Variants in BCAR1 observed in about 807,000 individuals in gnomAD.
The protein encoded by BCAR1 is BCAR1 scaffold protein, Cas family member.
Under a neutral mutation model 67.6 loss-of-function variants are expected in BCAR1, and 30 were observed. The ratio of observed to expected loss-of-function variants is 0.44; its 90% CI spans 0.33 to 0.60. The LOEUF (loss-of-function observed/expected upper bound fraction) is 0.60. Ranked by LOEUF, BCAR1 falls within the 20% of genes least tolerant of loss-of-function variation. The probability of loss-of-function intolerance (pLI) is 0.02; values close to 1 mark genes in which losing one functional copy is unlikely to be tolerated. For synonymous variants in BCAR1, 626 were observed against 556.7 expected, an observed-to-expected ratio of 1.12 and a Z score of -1.75; for missense variants, 1,313 against 1,222.3, an observed-to-expected ratio of 1.07 and a Z score of -1.11.
chr16:75,238,176 C>A, intron 2 of BCAR1: 1 of 1,254,022 alleles, frequency 8.0e-7, no homozygotes, highest in Non-Finnish European at 1.0e-6. Flanking sequence ...CCACAGGACC[C>A]CTCACCAGCA....
chr16:75,230,207 G>C (rs920330110), intron 6 of BCAR1, among the ~76,000 whole-genome samples, 184 bp from the exon 7 acceptor site: 1 of 152,204 alleles, frequency 6.6e-6, no homozygotes, highest in Non-Finnish European at 1.5e-5. Flanking sequence ...AAGCCTTCTG[G>C]AGGTTGTTCA....
intron 1 of BCAR1, chr16:75,266,133 G>C (rs562056211): frequency 5.5e-6 from 4 of 724,482 alleles, no homozygotes; most frequent in Non-Finnish European, 6.8e-6. Context: ...TCCGCTCCTC[G>C]CCGATCCCTC....
At chr16:75,250,812 G>T in intron 1 of BCAR1, 1 of 985,568 alleles carries the variant, frequency 1.0e-6, no homozygotes, top group Non-Finnish European at 1.2e-6. Context: ...CGACACTCGC[G>T]TGCGGCTAGG....
chr16:75,251,623 C>G lies in BCAR1; in HGVS notation c.-141G>C. ...GCCGCCTCGGCCACCCAGAGCCGGTCCAGCCGCTCTCCGCCTGCCGCCACG... is the reference window on the plus strand; with the variant it reads ...GCCGCCTCGGCCACCCAGAGCCGGTGCAGCCGCTCTCCGCCTGCCGCCACG... On this transcript the variant is annotated 5_prime_UTR_variant, in exon 1 of 7. Transcript: ENST00000162330. 9.9e-7 allele frequency: 1 copy of G among 1,010,116 alleles called. No homozygotes were observed. Among genetic ancestry groups the G allele is most frequent in the Non-Finnish European group, 1.2e-6 (1 of 847,300 alleles). 62.6% of individuals were successfully genotyped at this position (1,010,116 alleles called of 1,614,324 possible).
At position 75,229,416 on chromosome 16, in the gene BCAR1, G is replaced by C. The variant is rs950610842; in HGVS notation, c.*95C>G. The C allele has an allele frequency of 1.4e-6, 2 of 1,424,988 alleles. No individual in the cohort carries two copies. The highest frequency in any genetic ancestry group is 1.8e-6 in the Non-Finnish European group (2 of 1,088,268). The allele number at this position is 1,424,988 out of a possible 1,614,324, so 88.3% of individuals were successfully genotyped here. On this transcript the variant is annotated 3_prime_UTR_variant, in exon 7 of 7. Coordinates refer to ENST00000162330, the MANE Select transcript of BCAR1 (RefSeq NM_014567.5). ...AGGACCGACGCAGAGCTGGGGTCCT[G>C]TCCCTAAGCCTGTGGCACAGCGACT...
chr16:75,249,603 G>A (rs150186811), intron 1 of BCAR1: 4,571 of 152,380 alleles, frequency 0.03, 102 homozygotes, highest in Middle Eastern at 0.12. Flanking sequence ...AAGCCCCCCT[G>A]GAGCGCACCT....
At chr16:75,251,290 C>A (rs1187645295) in intron 1 of BCAR1, among the ~76,000 whole-genome samples, 181 bp downstream of exon 1, 1 of 152,122 alleles carries the variant, frequency 6.6e-6, no homozygotes, top group African/African-American at 2.4e-5. Flanking sequence ...GGCTCCGGAG[C>A]CCCCGCGGTT....
rs572121624 is a variant in BCAR1, at chr16:75,232,159, A to G, written c.2100+1687T>C. ...TCGGCACCCAGGAGGTTTTTAAAAC[A>G]ATTTTATTTTATTTTTTTTGAGACG... On this transcript the variant is annotated intron_variant, in intron 6 of 6. Transcript: ENST00000162330. 7.0e-5 allele frequency among the ~76,000 whole-genome samples: 10 copies of G among 143,502 alleles called. No individual in the cohort carries two copies. The East Asian group carries it at 1.7e-3, about 24-fold the overall frequency. The allele number at this position is 143,502 out of a possible 152,430, so 94.1% of individuals were successfully genotyped here.
intron 2 of BCAR1, among the ~76,000 whole-genome samples, chr16:75,240,945 C>G (rs934870059): frequency 6.6e-6 from 1 of 152,246 alleles, no homozygotes; most frequent in Non-Finnish European, 1.5e-5. Flanking sequence ...CTGGGGGTCT[C>G]GCTGCTGCTC....
intron 1 of BCAR1, chr16:75,263,178 C>T (rs2077941981): frequency 2.0e-6 from 2 of 983,722 alleles, no homozygotes; most frequent in Admixed American, 6.1e-5. Context: ...ACACTCACTT[C>T]ACAGATGGGA....
rs1242336483 is a variant in BCAR1, at chr16:75,266,105, C to T, written c.66+1810G>A. On this transcript the variant is annotated intron_variant, in intron 1 of 6. Coordinates refer to the BCAR1 transcript ENST00000393422. ...GCCTTTTTCTGTCGGCCCAACGCGG[C>T]GGGGAGGCGCGGTCTCCTCCGCTCC... The T allele has an allele frequency of 5.4e-6, 5 of 918,440 alleles. No homozygotes were observed. In the Admixed American group the frequency reaches 1.8e-4, roughly 33 times the overall value. 56.9% of individuals were successfully genotyped at this position (918,440 alleles called of 1,614,324 possible).
At chr16:75,238,486 A>G in intron 2 of BCAR1, 7 of 997,116 alleles carry the variant, frequency 7.0e-6, no homozygotes, top group Non-Finnish European at 8.4e-6. Flanking sequence ...AGGCCCTCCC[A>G]ATGCAGGCAG....
chr16:75,263,983 G>A, intron 1 of BCAR1: 1 of 1,178,296 alleles, frequency 8.5e-7, no homozygotes, highest in Non-Finnish European at 1.0e-6. Flanking sequence ...GTAGGGGGCA[G>A]ATGGCAAAGA....
chr16:75,253,602 C>G (rs2077720377), upstream of BCAR1, among the ~76,000 whole-genome samples: 1 of 152,070 alleles, frequency 6.6e-6, no homozygotes, highest in African/African-American at 2.4e-5. Context: ...GAAACAGGCT[C>G]CGACACAGGC....
upstream of BCAR1, chr16:75,252,157 A>C: frequency 6.6e-7 from 1 of 1,511,434 alleles, no homozygotes; most frequent in Non-Finnish European, 8.9e-7. Flanking sequence ...CCCACCGTGT[A>C]AGGACCCCAG....
chr16:75,255,276 C>T (rs2077749002), upstream of BCAR1, among the ~76,000 whole-genome samples: 3 of 152,064 alleles, frequency 2.0e-5, no homozygotes, highest in South Asian at 2.1e-4. Flanking sequence ...AGGGTGGACT[C>T]GGTTGATGGC....
rs527876626 is a variant in BCAR1 at position 75,243,636 on chromosome 16, T to C, written c.13-546A>G. Among the ~76,000 whole-genome samples the C allele has an allele frequency of 3.9e-5, 6 of 152,290 alleles. No homozygotes were observed. The South Asian group carries it at 6.2e-4, about 16-fold the overall frequency. ...AAACTTCAAACACCTTCCCCAAGGC[T>C]GGGAAAGAAACAGGAGGCACACCCT... On this transcript the variant is annotated intron_variant, in intron 1 of 6. Transcript: ENST00000162330.
chr16:75,233,825 T>A, intron 6 of BCAR1, 21 bp downstream of exon 6: 1 of 1,584,074 alleles, frequency 6.3e-7, no homozygotes. Context: ...AGCTGGGCCT[T>A]GCTCTGCTCC....
At chr16:75,247,979 G>T in intron 1 of BCAR1, 1 of 891,814 alleles carries the variant, frequency 1.1e-6, no homozygotes, top group Non-Finnish European at 1.9e-6. Flanking sequence ...GTTCCTCCCT[G>T]CGGGAGGCAG....
Sources: allele counts gnomAD v4.1 joint callset (sites outside exome capture counted in the v4.1 genomes callset), GRCh38; gene constraint gnomAD v4.1.1; transcripts MANE v1.5; gene names NCBI Gene and HGNC (gene_info 2026-07-23, HGNC 2026-07-21).